The following CAMK2B variants were observed in gnomAD, a reference collection of about 807,000 sequenced individuals.
CAMK2B encodes calcium/calmodulin dependent protein kinase II beta.
CAMK2B carries 27 observed loss-of-function variants against 93.7 expected under a neutral mutation model. The observed-to-expected ratio is 0.29, with a 90% CI of 0.21 to 0.40. The LOEUF is 0.40. CAMK2B is among the 10% of genes least tolerant of loss of function. The pLI is 1.00. For missense variants in CAMK2B, 568 were observed against 895.8 expected (o/e 0.63, Z 4.67); for synonymous variants, 374 against 358.8 (o/e 1.04, Z -0.48).
intron 1 of CAMK2B, among the ~76,000 whole-genome samples, chr7:44,289,349 G>A (rs986115449): frequency 6.6e-6 from 1 of 152,214 alleles, no homozygotes; most frequent in Non-Finnish European, 1.5e-5. Flanking sequence ...GAGTTTGTGG[G>A]AGGGCCCAGA....
At chr7:44,239,500 C>T in intron 13 of CAMK2B, 89 bp downstream of exon 13, 1 of 1,274,764 alleles carries the variant, frequency 7.8e-7, no homozygotes, top group Non-Finnish European at 1.1e-6. Flanking sequence ...GGCTCTGGAG[C>T]CCGGCCAGCG....
rs1301571765 is a variant in CAMK2B at position 44,231,019 on chromosome 7, A to G, written c.1212T>C (p.Asp404=). The G allele has an allele frequency of 3.2e-6, 5 of 1,554,966 alleles. No individual in the cohort carries two copies. The highest frequency in any genetic ancestry group is 4.4e-6 in the Non-Finnish European group (5 of 1,149,068). Residue 404 remains aspartate (D), a synonymous_variant, in exon 17 of 24, where the codon GAT becomes GAC. Transcript: ENST00000395749. ...AAGTGCAGGTACCTTTAGCGTCTTCATCCTCTATGGTGGTATTGGCACTGT... is the reference window on the plus strand; with the variant it reads ...AAGTGCAGGTACCTTTAGCGTCTTCGTCCTCTATGGTGGTATTGGCACTGT... ...SSDSANTTIE[D]EDAKAPRVPD...
rs939185115 is a variant in CAMK2B, at chr7:44,262,361, C to G, written c.220+644G>C. ...GGCTGCTCCCCGACAAAGGCAAGGC[C>G]TGGGCTCCAGGCTCCAGATACCCCT... On this transcript the variant is annotated intron_variant, in intron 3 of 23. Transcript: ENST00000395749. Among the ~76,000 whole-genome samples, 3 of 152,350 alleles carry G rather than the reference C, an allele frequency of 2.0e-5. No homozygotes were observed. The South Asian group carries it at 6.2e-4, about 32-fold the overall frequency.
rs1022123449 is a variant in CAMK2B, at chr7:44,286,892, T to C, written c.66-2667A>G. Reference sequence around the variant, plus strand: ...GAGTGGGAGCACCAGGCCGCACAGCTGTAGTGACATAGGATGTGGCAGGCA... The same window carrying C: ...GAGTGGGAGCACCAGGCCGCACAGCCGTAGTGACATAGGATGTGGCAGGCA... On this transcript the variant is annotated intron_variant, in intron 1 of 23. Coordinates refer to ENST00000395749, the MANE Select transcript of CAMK2B (RefSeq NM_001220.5). The surrounding 1 kb of genome is among the most constrained non-coding windows in gnomAD (Gnocchi z 4.0). Among the ~76,000 whole-genome samples the C allele has an allele frequency of 6.6e-6, 1 of 151,992 alleles. No homozygotes were observed. Among genetic ancestry groups the C allele is most frequent in the Admixed American group, 6.5e-5 (1 of 15,286 alleles).
At chr7:44,222,595 C>T (rs1028267370) in intron 20 of CAMK2B, among the ~76,000 whole-genome samples, 1 of 152,086 alleles carries the variant, frequency 6.6e-6, no homozygotes, top group Admixed American at 6.6e-5. Flanking sequence ...ACCACCACAC[C>T]CAGCTAATTT....
intron 3 of CAMK2B, among the ~76,000 whole-genome samples, chr7:44,260,024 T>C (rs140420419): frequency 7.2e-4 from 110 of 152,280 alleles, no homozygotes; most frequent in African/African-American, 2.6e-3. Context: ...CAGTCTGGCT[T>C]GAGGGCCTGC....
chr7:44,225,804 C>T lies in CAMK2B; in HGVS notation c.1597+712G>A, dbSNP rs1457238657. 4.7e-6 allele frequency: 6 copies of T among 1,289,352 alleles called. No homozygotes were observed. The highest frequency in any genetic ancestry group is 6.1e-6 in the Non-Finnish European group (6 of 988,792). 79.9% of individuals were successfully genotyped at this position (1,289,352 alleles called of 1,614,324 possible). A position where few individuals can be genotyped will look rare whatever the true frequency, so the allele number is the denominator to read the frequency against. On this transcript the variant is annotated intron_variant, in intron 20 of 23. Coordinates refer to ENST00000395749, the MANE Select transcript of CAMK2B (RefSeq NM_001220.5). This position sits in a 1 kb window ranked among gnomAD's most constrained non-coding sequence, Gnocchi z 5.0. The stretch of plus-strand genomic sequence containing the variant: ...CATGCCGAGCCCGTGGCCCAGCAGC[C>T]TCTTCTCTAAGAGTATCTCCACACC...
rs1354650578 is a variant in CAMK2B at position 44,224,659 on chromosome 7, T to C, written c.1597+1857A>G. 2.0e-5 allele frequency among the ~76,000 whole-genome samples: 3 copies of C among 152,112 alleles called. No homozygotes were observed. Among genetic ancestry groups the C allele is most frequent in the East Asian group, 1.9e-4 (1 of 5,190 alleles). Reference sequence around the variant, plus strand: ...GGCCTGGACTCCTGGGACCCCAGGCTGGCCCCAAGCCCATCTCTCAGAGCC... The same window carrying C: ...GGCCTGGACTCCTGGGACCCCAGGCCGGCCCCAAGCCCATCTCTCAGAGCC... On this transcript the variant is annotated intron_variant, in intron 20 of 23. Coordinates refer to ENST00000395749, the MANE Select transcript of CAMK2B (RefSeq NM_001220.5). The surrounding 1 kb of genome is among the most constrained non-coding windows in gnomAD (Gnocchi z 4.4).
intron 20 of CAMK2B, chr7:44,226,035 C>T (rs565538825): frequency 3.7e-5 from 24 of 654,970 alleles, no homozygotes; most frequent in Admixed American, 9.8e-5. Flanking sequence ...CCCAGATCCG[C>T]GCCTCCCGAT....
chr7:44,305,632 G>C (rs1372375685), intron 1 of CAMK2B, among the ~76,000 whole-genome samples: 1 of 152,218 alleles, frequency 6.6e-6, no homozygotes, highest in Non-Finnish European at 1.5e-5. Context: ...GGGGAGGTGG[G>C]AGCAAGAGGA....
intron 15 of CAMK2B, among the ~76,000 whole-genome samples, chr7:44,233,654 A>G (rs988296520): frequency 6.6e-6 from 1 of 152,156 alleles, no homozygotes; most frequent in Non-Finnish European, 1.5e-5. Context: ...ACCAGCCACA[A>G]CTTTACATCC....
chr7:44,239,072 C>G (rs2096651691), intron 13 of CAMK2B, among the ~76,000 whole-genome samples: 1 of 152,248 alleles, frequency 6.6e-6, no homozygotes, highest in Non-Finnish European at 1.5e-5. Context: ...AAAACCCTCA[C>G]CCACTCCAGA....
chr7:44,290,770 A>G (rs571323983), intron 1 of CAMK2B, among the ~76,000 whole-genome samples: 60 of 152,330 alleles, frequency 3.9e-4, no homozygotes, highest in Non-Finnish European at 7.6e-4. Flanking sequence ...TTTTATATGA[A>G]CAGAGTGCTG....
intron 21 of CAMK2B, 23 bp downstream of exon 21, chr7:44,220,800 GCCC>G: frequency 6.6e-7 from 1 of 1,513,454 alleles, no homozygotes; most frequent in South Asian, 1.2e-5. Flanking sequence ...GTCCTGCACA[GCCC>G]CCCCCCAGCC....
intron 2 of CAMK2B, among the ~76,000 whole-genome samples, chr7:44,265,422 C>T (rs2129045311): frequency 6.6e-6 from 1 of 152,330 alleles, no homozygotes; most frequent in Non-Finnish European, 1.5e-5. Context: ...CCCAGGACCA[C>T]ACATCGCCAC....
At chr7:44,259,571 C>T (rs1450524530) in intron 3 of CAMK2B, 1 of 153,064 alleles carries the variant, frequency 6.5e-6, no homozygotes, top group African/African-American at 2.4e-5. Context: ...CCTTGCACAA[C>T]TTCCCATGAC....
chr7:44,229,795 A>G, intron 17 of CAMK2B: 1 of 321,282 alleles, frequency 3.1e-6, no homozygotes, highest in Non-Finnish European at 5.7e-6. Flanking sequence ...CCACCCTGCC[A>G]CCCTAGTGCT....
At position 44,227,755 on chromosome 7, in the gene CAMK2B, GTGGGGGACAGAGGGAGAGTC is replaced by G. The variant is rs137902340; in HGVS notation, c.1468+1021_1468+1040del. The stretch of plus-strand genomic sequence containing the variant: ...GGGTATATGGGGGACAGAGGAGGGT[GTGGGGGACAGAGGGAGAGTC>G]TGGGGGACAGAGGAGGGTGTGGGGG... On this transcript the variant is annotated intron_variant, in intron 19 of 23. Transcript: ENST00000395749. 5.8e-3 allele frequency among the ~76,000 whole-genome samples: 79 copies of G among 13,680 alleles called. 7 individuals are homozygous for G. Among genetic ancestry groups the G allele is most frequent in the East Asian group, 0.054 (25 of 466 alleles). The allele number at this position is 13,680 out of a possible 152,430, so 9.0% of individuals were successfully genotyped here. A position where few individuals can be genotyped will look rare whatever the true frequency, so the allele number is the denominator to read the frequency against.
chr7:44,292,658 AG>A (rs1377444858), intron 1 of CAMK2B, among the ~76,000 whole-genome samples: 1 of 152,186 alleles, frequency 6.6e-6, no homozygotes, highest in Non-Finnish European at 1.5e-5. Flanking sequence ...ACCTCCAAGA[AG>A]GGAGTATGAG....
Sources: gnomAD v4.1 joint callset for allele counts (sites outside exome capture counted in the v4.1 genomes callset) on GRCh38, gnomAD v4.1.1 for gene constraint, Gnocchi (gnomAD v3.1) non-coding constraint, MANE v1.5 for transcripts, NCBI Gene and HGNC (gene_info 2026-07-23, HGNC 2026-07-21) for gene names.